Variants in POLR3C observed in about 807,000 individuals in gnomAD.
POLR3C encodes the protein RNA polymerase III subunit C, also known as DNA-directed RNA polymerase III subunit RPC3.
A neutral mutation model predicts 65.9 loss-of-function variants in POLR3C; 44 were observed. That is an observed-to-expected ratio of 0.67 (90% confidence interval 0.52 to 0.86). The LOEUF (loss-of-function observed/expected upper bound fraction) is 0.86. POLR3C is among the 40% of genes least tolerant of loss of function. The pLI is 0.00. For missense variants in POLR3C, 576 were observed against 653.2 expected (o/e 0.88, Z 1.29); for synonymous variants, 263 against 231.6 (o/e 1.14, Z -1.23).
intron 5 of POLR3C, among the ~76,000 whole-genome samples, chr1:145,830,337 A>T (rs1361879058): frequency 6.6e-6 from 1 of 152,040 alleles, no homozygotes; most frequent in Non-Finnish European, 1.5e-5. Context: ...TTAGGAGGCT[A>T]TTGTAGTAAT....
intron 10 of POLR3C, 96 bp from the exon 11 acceptor site, chr1:145,837,960 G>C: frequency 9.0e-7 from 1 of 1,108,646 alleles, no homozygotes; most frequent in Non-Finnish European, 1.3e-6. Context: ...TCTGGTACTG[G>C]CTTCACACAT....
At chr1:145,836,270 G>A (rs1331621018) in intron 7 of POLR3C, among the ~76,000 whole-genome samples, 2 of 152,070 alleles carry the variant, frequency 1.3e-5, no homozygotes, top group Non-Finnish European at 2.9e-5. Flanking sequence ...ACAGGCATGC[G>A]CCACCACGTC....
At chr1:145,826,347 C>A in intron 2 of POLR3C, 107 bp from the exon 3 acceptor site, 1 of 862,792 alleles carries the variant, frequency 1.2e-6, no homozygotes, top group Non-Finnish European at 1.9e-6. Flanking sequence ...CAGAAATTAT[C>A]TAGCCATTTT....
intron 11 of POLR3C, 105 bp downstream of exon 11, chr1:145,838,311 G>A: frequency 1.2e-6 from 1 of 848,296 alleles, no homozygotes; most frequent in Non-Finnish European, 1.9e-6. Flanking sequence ...TCTATATCCA[G>A]CTCTGAGACA....
In POLR3C at chr1:145,833,153, A is replaced by T. The variant is rs1471516333; in HGVS notation, c.679-107A>T. The T allele has an allele frequency of 1.2e-5, 8 of 671,110 alleles. No individual in the cohort carries two copies. The East Asian group carries it at 2.0e-4, about 17-fold the overall frequency. 41.6% of individuals were successfully genotyped at this position (671,110 alleles called of 1,614,324 possible). A position where few individuals can be genotyped will look rare whatever the true frequency, so the allele number is the denominator to read the frequency against. On this transcript the variant is annotated intron_variant, in intron 5 of 14. Coordinates refer to ENST00000334163, the MANE Select transcript of POLR3C (RefSeq NM_006468.8). ...TGACTGAATGATTTTTTTCCAACCA[A>T]TGTAATTGTTACTGTGTAGGAAAAG...
chr1:145,824,221 T>C lies in POLR3C; in HGVS notation c.-169T>C. ...GGGTAGAGTGGCACGCGCTTTTTGCTTTTCCGCGTCTTCTTCGGTGGCGAT... is the reference window on the plus strand; with the variant it reads ...GGGTAGAGTGGCACGCGCTTTTTGCCTTTCCGCGTCTTCTTCGGTGGCGAT... On this transcript the variant is annotated 5_prime_UTR_variant, in exon 1 of 15. Coordinates refer to ENST00000334163, the MANE Select transcript of POLR3C (RefSeq NM_006468.8). 1 of 289,990 alleles carries C rather than the reference T, an allele frequency of 3.4e-6. No individual in the cohort carries two copies. The highest frequency in any genetic ancestry group is 2.3e-5 in the African/African-American group (1 of 44,272). 18.0% of individuals were successfully genotyped at this position (289,990 alleles called of 1,614,324 possible).
At chr1:145,837,628 C>T (rs782594563) in intron 10 of POLR3C, 32 bp downstream of exon 10, 1 of 1,356,872 alleles carries the variant, frequency 7.4e-7, no homozygotes, top group South Asian at 1.2e-5. Flanking sequence ...TTTGGGATCA[C>T]ATACTTCCTA....
Position 145,836,482 on chromosome 1 carries a change from T to C in POLR3C, c.877-12T>C, listed in dbSNP as rs782721996. On this transcript the variant is annotated splice_polypyrimidine_tract_variant and intron_variant, in intron 7 of 14. Coordinates refer to ENST00000334163, the MANE Select transcript of POLR3C (RefSeq NM_006468.8). Reference sequence around the variant, plus strand: ...GTTCCCAAACCCATTTTAAGTGTCCTTTGCTCCATAGATCTTCAGATCCCT... The same window carrying C: ...GTTCCCAAACCCATTTTAAGTGTCCCTTGCTCCATAGATCTTCAGATCCCT... 3.3e-6 allele frequency: 5 copies of C among 1,535,386 alleles called. No individual in the cohort carries two copies. Among genetic ancestry groups the C allele is most frequent in the Non-Finnish European group, 4.5e-6 (5 of 1,109,396 alleles).
At chr1:145,830,156 G>A (rs587677051) in intron 5 of POLR3C, among the ~76,000 whole-genome samples, 81 of 151,380 alleles carry the variant, frequency 5.4e-4, no homozygotes, top group Admixed American at 1.2e-3. Flanking sequence ...GAAGCTCTCC[G>A]TACCTTTCAT....
chr1:145,842,525 C>A lies in POLR3C; in HGVS notation c.*105C>A. The A allele has an allele frequency of 1.3e-6, 1 of 790,348 alleles. No individual in the cohort carries two copies. The highest frequency in any genetic ancestry group is 2.2e-6 in the Non-Finnish European group (1 of 446,864). The allele number at this position is 790,348 out of a possible 1,614,324, so 49.0% of individuals were successfully genotyped here. On this transcript the variant is annotated 3_prime_UTR_variant, in exon 15 of 15. Transcript: ENST00000334163. ...GTGGGATAAGTCGCAGAGTCTTCAACTAAACCCCCCTCTCTATCCCCTGCA... is the reference window on the plus strand; with the variant it reads ...GTGGGATAAGTCGCAGAGTCTTCAAATAAACCCCCCTCTCTATCCCCTGCA...
At chr1:145,832,044 GA>G (rs1394740174) in intron 5 of POLR3C, among the ~76,000 whole-genome samples, 8 of 145,792 alleles carry the variant, frequency 5.5e-5, no homozygotes, top group African/African-American at 1.3e-4. Context: ...TCTTTAAAAG[GA>G]AAAAAAAAAT....
At position 145,840,108 on chromosome 1, in the gene POLR3C, T is replaced by A; in HGVS notation, c.1324-8T>A. 6.2e-7 allele frequency: 1 copy of A among 1,605,784 alleles called. No homozygotes were observed. The highest frequency in any genetic ancestry group is 8.5e-7 in the Non-Finnish European group (1 of 1,172,386). On this transcript the variant is annotated splice_region_variant and splice_polypyrimidine_tract_variant and intron_variant, in intron 12 of 14. Coordinates refer to ENST00000334163, the MANE Select transcript of POLR3C (RefSeq NM_006468.8). ...TGTGCATTCCTTGTCTGTCTTCTCT[T>A]TCCTCAGAGCATAGCCAACTTGATA... is the stretch of plus-strand genomic sequence containing the variant.
intron 4 of POLR3C, among the ~76,000 whole-genome samples, chr1:145,828,277 TATAGAGC>T (rs1650954470): frequency 6.6e-6 from 1 of 152,188 alleles, no homozygotes; most frequent in Non-Finnish European, 1.5e-5. Context: ...AGTAAGACCT[TATAGAGC>T]ATCTGTTCTT....
intron 14 of POLR3C, 92 bp downstream of exon 14, chr1:145,841,163 A>G: frequency 9.9e-7 from 1 of 1,013,250 alleles, no homozygotes; most frequent in Non-Finnish European, 1.5e-6. Context: ...GCATGAGCAA[A>G]CCTAAACTCA....
Position 145,842,659 on chromosome 1 carries a change from T to C in POLR3C, c.*239T>C, listed in dbSNP as rs587685011. ...CCTTAAATCAACAAGGTTAATCATC[T>C]ATCAGATGCATCTGTTCCCATAAAG... On this transcript the variant is annotated 3_prime_UTR_variant, in exon 15 of 15. Coordinates refer to ENST00000334163, the MANE Select transcript of POLR3C (RefSeq NM_006468.8). Among the ~76,000 whole-genome samples, 2 of 152,320 alleles carry C rather than the reference T, an allele frequency of 1.3e-5. No homozygotes were observed. Among genetic ancestry groups the C allele is most frequent in the East Asian group, 1.9e-4 (1 of 5,180 alleles).
At chr1:145,841,605 G>A (rs587697752) in intron 14 of POLR3C, among the ~76,000 whole-genome samples, 21 of 152,240 alleles carry the variant, frequency 1.4e-4, no homozygotes, top group African/African-American at 4.6e-4. Context: ...TTCAGTTTTA[G>A]ATTGTTCATT....
chr1:145,841,513 T>G (rs1258825297), intron 14 of POLR3C, among the ~76,000 whole-genome samples: 3 of 152,234 alleles, frequency 2.0e-5, no homozygotes, highest in African/African-American at 7.2e-5. Flanking sequence ...GACCTTCACA[T>G]TTCAGTGCAC....
intron 4 of POLR3C, among the ~76,000 whole-genome samples, chr1:145,827,573 T>C (rs587598712): frequency 1.9e-3 from 292 of 151,858 alleles, no homozygotes; most frequent in Non-Finnish European, 2.9e-3. Flanking sequence ...TCCTGGCTAA[T>C]ACCGGGAAAC....
At position 145,826,471 on chromosome 1, in the gene POLR3C, T is replaced by C; in HGVS notation, c.165T>C (p.Cys55=). The C allele has an allele frequency of 7.4e-6, 12 of 1,613,686 alleles. No individual in the cohort carries two copies. Among genetic ancestry groups the C allele is most frequent in the Non-Finnish European group, 1.0e-5 (12 of 1,179,888 alleles). The change falls in exon 3 of 15, where the codon TGT becomes TGC. Residue 55 remains cysteine, a synonymous_variant. Transcript: ENST00000334163. ...TSLDQVKKAL[C]VLVQHNLVSY... ...CCATTTAGGTGAAGAAAGCCCTGTG[T>C]GTCCTCGTCCAACATAACCTGGTGA...
Sources: allele counts gnomAD v4.1 joint callset (sites outside exome capture counted in the v4.1 genomes callset), GRCh38; gene constraint gnomAD v4.1.1; transcripts MANE v1.5; gene names NCBI Gene and HGNC (gene_info 2026-07-23, HGNC 2026-07-21).